RBFOX1: variants seen among roughly 807,000 people sequenced by gnomAD.
RBFOX1 encodes the protein RNA binding protein fox-1 homolog 1.
Under a neutral mutation model 57.7 loss-of-function variants are expected in RBFOX1, and 8 were observed. That is an observed-to-expected ratio of 0.14 (90% CI 0.08 to 0.25). The LOEUF (loss-of-function observed/expected upper bound fraction) is 0.25. Among genes scored for constraint, RBFOX1 ranks in the 10% least tolerant of loss-of-function variants. RBFOX1 has a pLI of 1.00. For synonymous variants in RBFOX1, 326 were observed against 222.4 expected (o/e 1.47, Z -4.15); for missense variants, 611 against 548.5 (o/e 1.11, Z -1.14).
intron 1 of RBFOX1, among the ~76,000 whole-genome samples, chr16:6,059,649 G>T (rs1205401726): frequency 6.6e-6 from 1 of 152,118 alleles, no homozygotes; most frequent in South Asian, 2.1e-4. Flanking sequence ...TATTCAAACT[G>T]AGCATCTCTC....
At chr16:5,940,073 C>G (rs1406740379) in intron 4 of RBFOX1, among the ~76,000 whole-genome samples, 1 of 152,140 alleles carries the variant, frequency 6.6e-6, no homozygotes, top group African/African-American at 2.4e-5. Flanking sequence ...ATTTAAATTT[C>G]TTTATTTTTC....
chr16:6,544,818 G>C (rs924967063), intron 2 of RBFOX1, among the ~76,000 whole-genome samples: 45 of 152,182 alleles, frequency 3.0e-4, no homozygotes, highest in Non-Finnish European at 1.0e-4. Context: ...AGTCAGCGAA[G>C]GGTACCCACG....
rs1303833143 is a variant in RBFOX1, at chr16:6,681,509, C to G, written c.-16+26859C>G. Among the ~76,000 whole-genome samples the G allele has an allele frequency of 7.4e-5, 7 of 94,608 alleles. No individual in the cohort carries two copies. The East Asian group carries it at 2.4e-3, about 33-fold the overall frequency. The allele number at this position is 94,608 out of a possible 152,430, so 62.1% of individuals were successfully genotyped here. A position where few individuals can be genotyped will look rare whatever the true frequency, so the allele number is the denominator to read the frequency against. On this transcript the variant is annotated intron_variant, in intron 3 of 15. Transcript: ENST00000550418. ...TCTGTGATCAATTAGTGATGTTGTC[C>G]TTGTCTCCAGAAGAGGTGTTTTTCA...
At position 6,091,631 on chromosome 16, in the gene RBFOX1, A is replaced by T. The variant is rs150213575; in HGVS notation, c.-127+71639A>T. On this transcript the variant is annotated intron_variant, in intron 1 of 15. Coordinates refer to ENST00000550418, the MANE Select transcript of RBFOX1 (RefSeq NM_018723.4). Reference sequence around the variant, plus strand: ...GATCACCTGAGGTCATGAGTTCGAGACCAGCCTGGCCAACATGGGGAAACC... The same window carrying T: ...GATCACCTGAGGTCATGAGTTCGAGTCCAGCCTGGCCAACATGGGGAAACC... 2.4e-4 allele frequency among the ~76,000 whole-genome samples: 36 copies of T among 152,298 alleles called. 1 individual carries two copies. The East Asian group carries it at 6.6e-3, about 28-fold the overall frequency.
intron 4 of RBFOX1, among the ~76,000 whole-genome samples, chr16:5,903,262 C>G (rs192339660): frequency 1.8e-4 from 27 of 152,308 alleles, no homozygotes; most frequent in Admixed American, 3.9e-4. Context: ...CCTTGTTGCT[C>G]TGACATATTT....
chr16:7,594,177 C>G (rs2094577939), intron 7 of RBFOX1, among the ~76,000 whole-genome samples: 1 of 151,636 alleles, frequency 6.6e-6, no homozygotes, highest in African/African-American at 2.4e-5. Flanking sequence ...GCCCTGTGGT[C>G]AATACCTCTT....
At chr16:7,299,363 G>T (rs983202906) in intron 4 of RBFOX1, among the ~76,000 whole-genome samples, 38 of 152,100 alleles carry the variant, frequency 2.5e-4, no homozygotes, top group African/African-American at 8.2e-4. Context: ...TATTGCCTGC[G>T]CTTGTATTTC....
chr16:7,696,193 A>T (rs2078746793), intron 14 of RBFOX1, among the ~76,000 whole-genome samples: 1 of 152,192 alleles, frequency 6.6e-6, no homozygotes, highest in African/African-American at 2.4e-5. Flanking sequence ...AGGAGTTTCA[A>T]CAATGCTATT....
chr16:7,265,684 G>T (rs1204854936), intron 4 of RBFOX1, among the ~76,000 whole-genome samples: 3 of 152,188 alleles, frequency 2.0e-5, no homozygotes, highest in Non-Finnish European at 4.4e-5. Context: ...CCTGACCTCA[G>T]GTGATCCGCC....
At chr16:5,837,586 A>G (rs1401392663) in intron 3 of RBFOX1, among the ~76,000 whole-genome samples, 1 of 148,024 alleles carries the variant, frequency 6.8e-6, no homozygotes, top group Non-Finnish European at 1.5e-5. Context: ...TCACAGGGAA[A>G]GTCTTGATGC....
At chr16:7,227,372 T>C (rs974297929) in intron 4 of RBFOX1, among the ~76,000 whole-genome samples, 2 of 145,098 alleles carry the variant, frequency 1.4e-5, no homozygotes, top group Admixed American at 7.3e-5. Flanking sequence ...CTTAGCTCAC[T>C]GCATAATCCT....
At chr16:6,846,486 A>G (rs2093760869) in intron 3 of RBFOX1, among the ~76,000 whole-genome samples, 1 of 152,202 alleles carries the variant, frequency 6.6e-6, no homozygotes, top group Non-Finnish European at 1.5e-5. Context: ...GGAGAGAAAA[A>G]TAAGACCACA....
At chr16:6,866,996 A>G (rs2060049409) in intron 3 of RBFOX1, among the ~76,000 whole-genome samples, 1 of 140,204 alleles carries the variant, frequency 7.1e-6, no homozygotes, top group Non-Finnish European at 1.5e-5. Flanking sequence ...CTCTAGTCAG[A>G]GTCTGTGTTA....
At chr16:5,923,442 A>G (rs901323474) in intron 4 of RBFOX1, among the ~76,000 whole-genome samples, 1 of 150,984 alleles carries the variant, frequency 6.6e-6, no homozygotes, top group Non-Finnish European at 1.5e-5. Flanking sequence ...ACAGGGGCAC[A>G]TGGGATTGGA....
intron 3 of RBFOX1, among the ~76,000 whole-genome samples, chr16:5,620,120 G>A (rs963952937): frequency 1.3e-5 from 2 of 152,106 alleles, no homozygotes; most frequent in Non-Finnish European, 2.9e-5. Context: ...GAACATTACA[G>A]TCAGGTGGCA....
chr16:5,755,520 G>C (rs1164792184), intron 3 of RBFOX1, among the ~76,000 whole-genome samples: 1 of 152,140 alleles, frequency 6.6e-6, no homozygotes, highest in East Asian at 1.9e-4. Flanking sequence ...TGACTTAAAG[G>C]GCCTTGGTTG....
intron 9 of RBFOX1, among the ~76,000 whole-genome samples, chr16:7,599,638 CTT>C (rs542898195): frequency 1.6e-5 from 1 of 62,804 alleles, no homozygotes; most frequent in Non-Finnish European, 3.7e-5. Context: ...TTAATAAAGA[CTT>C]TTTTTTTTTT....
chr16:6,762,569 A>T (rs1051053014), intron 3 of RBFOX1, among the ~76,000 whole-genome samples: 1 of 152,188 alleles, frequency 6.6e-6, no homozygotes, highest in Non-Finnish European at 1.5e-5. Context: ...ACTCTAGACT[A>T]CTATATTTAA....
intron 6 of RBFOX1, among the ~76,000 whole-genome samples, chr16:7,580,741 C>G (rs529280648): frequency 1.3e-5 from 2 of 152,282 alleles, no homozygotes; most frequent in Non-Finnish European, 2.9e-5. Context: ...ATTTCTTTGA[C>G]CAGTGTTCCA....
Sources: gnomAD v4.1 joint callset for allele counts (sites outside exome capture counted in the v4.1 genomes callset) on GRCh38, gnomAD v4.1.1 for gene constraint, MANE v1.5 for transcripts, NCBI Gene and HGNC (gene_info 2026-07-23, HGNC 2026-07-21) for gene names.